ATP5PO: variants seen among roughly 807,000 people sequenced by gnomAD.
ATP5PO encodes ATP synthase peripheral stalk subunit OSCP, also known as ATP synthase peripheral stalk subunit OSCP, mitochondrial.
In ATP5PO, 14 loss-of-function variants were observed where a neutral mutation model predicts 26.2. The observed-to-expected ratio is 0.53, with a 90% CI of 0.35 to 0.83. The LOEUF is 0.83. Ranked by LOEUF, ATP5PO falls within the 40% of genes least tolerant of loss-of-function variation. The pLI is 0.01. For missense variants in ATP5PO, 241 were observed against 258.5 expected, an observed-to-expected ratio of 0.93 and a Z score of 0.46; for synonymous variants, 106 against 95.1, an observed-to-expected ratio of 1.12 and a Z score of -0.67.
chr21:33,904,149 T>G, intron 5 of ATP5PO, 128 bp from the exon 6 acceptor site: 1 of 721,432 alleles, frequency 1.4e-6, no homozygotes, highest in South Asian at 1.9e-5. Flanking sequence ...GGGCCCATCA[T>G]GGAGCTGCTC....
chr21:33,904,888 A>G (rs368366360), intron 5 of ATP5PO, among the ~76,000 whole-genome samples: 8 of 152,068 alleles, frequency 5.3e-5, no homozygotes, highest in South Asian at 2.1e-4. Flanking sequence ...TTACAGGCGC[A>G]TGCCATCACA....
In ATP5PO at chr21:33,912,363, C is replaced by T. The variant is rs762153291; in HGVS notation, c.124G>A (p.Ala42Thr). Reference protein sequence around the residue: ...VQVYGIEGRYATALYSAASKQ... With the variant: ...VQVYGIEGRYTTALYSAASKQ... ...GATGCAGCAGAATAAAGAGCTGTGGCATAGCGACCTTCAATACCGTATACC... is the reference window on the plus strand; with the variant it reads ...GATGCAGCAGAATAAAGAGCTGTGGTATAGCGACCTTCAATACCGTATACC... The change falls in exon 3 of 7, where the codon GCC (alanine) becomes ACC (threonine). Residue 42 changes from alanine (A) to threonine (T), a missense_variant. Transcript: ENST00000290299. 2 of 1,613,068 alleles carry T rather than the reference C, an allele frequency of 1.2e-6. No individual in the cohort carries two copies. The highest frequency in any genetic ancestry group is 1.1e-5 in the South Asian group (1 of 90,984).
chr21:33,912,339 A>G lies in ATP5PO; in HGVS notation c.148T>C (p.Ser50Pro). 6.2e-7 allele frequency: 1 copy of G among 1,613,730 alleles called. No homozygotes were observed. Among genetic ancestry groups the G allele is most frequent in the South Asian group, 1.1e-5 (1 of 91,044 alleles). ...RYATALYSAA[S>P]KQNKLEQVEK... The stretch of plus-strand genomic sequence containing the variant: ...ACTTGCTCCAGCTTATTCTGTTTTG[A>G]TGCAGCAGAATAAAGAGCTGTGGCA... Residue 50 changes from serine (S) to proline (P), a missense_variant, in exon 3 of 7, where the codon TCA becomes CCA. Ser to Pro is a moderately conservative substitution (Grantham distance 74). This residue lies in a region of ATP5PO where 125 missense variants were observed against 108.5 expected (regional missense o/e 1.15). Coordinates refer to ENST00000290299, the MANE Select transcript of ATP5PO (RefSeq NM_001697.3).
intron 5 of ATP5PO, chr21:33,906,980 C>T (rs888634331): frequency 8.8e-6 from 3 of 340,750 alleles, no homozygotes; most frequent in Admixed American, 4.2e-5. Flanking sequence ...CAAAGTGAGA[C>T]TCTGTCTCAA....
intron 2 of ATP5PO, 41 bp downstream of exon 2, chr21:33,914,409 T>A (rs770443406): frequency 3.2e-5 from 51 of 1,586,364 alleles, no homozygotes; most frequent in Non-Finnish European, 4.3e-5. Flanking sequence ...ACTCACACTT[T>A]CGCGTACTTT....
rs550980287 is a variant in ATP5PO, at chr21:33,906,460, T to C, written c.441+881A>G. ...AATTCTAGTCCCACCTCGTATGACTTTGGGCAAGCGACTTCATCTCCCTGC... is the reference window on the plus strand; with the variant it reads ...AATTCTAGTCCCACCTCGTATGACTCTGGGCAAGCGACTTCATCTCCCTGC... On this transcript the variant is annotated intron_variant, in intron 5 of 6. Coordinates refer to ENST00000290299, the MANE Select transcript of ATP5PO (RefSeq NM_001697.3). 2.1e-5 allele frequency: 7 copies of C among 337,698 alleles called. No homozygotes were observed. In the East Asian group the frequency reaches 4.3e-4, roughly 21 times the overall value. 20.9% of individuals were successfully genotyped at this position (337,698 alleles called of 1,614,324 possible). A position where few individuals can be genotyped will look rare whatever the true frequency, so the allele number is the denominator to read the frequency against.
Position 33,909,021 on chromosome 21 carries a change from A to C in ATP5PO, c.328+61T>G, listed in dbSNP as rs575985411. On this transcript the variant is annotated intron_variant, in intron 4 of 6. Transcript: ENST00000290299. ...GTGATGCTGATGCCGCCCACAGTCC[A>C]TGGACCACATTTCCAGTCATAGTTT... The C allele has an allele frequency of 9.9e-6, 15 of 1,517,296 alleles. No homozygotes were observed. In the Admixed American group the frequency reaches 2.7e-4, roughly 27 times the overall value. The allele number at this position is 1,517,296 out of a possible 1,614,324, so 94.0% of individuals were successfully genotyped here. A position where few individuals can be genotyped will look rare whatever the true frequency, so the allele number is the denominator to read the frequency against.
At chr21:33,907,104 T>G in intron 5 of ATP5PO, 1 of 511,636 alleles carries the variant, frequency 2.0e-6, no homozygotes, top group Admixed American at 3.3e-5. Flanking sequence ...TTTGATGTAC[T>G]TTACATTTAA....
At chr21:33,905,386 G>A (rs1188367950) in intron 5 of ATP5PO, among the ~76,000 whole-genome samples, 1 of 152,080 alleles carries the variant, frequency 6.6e-6, no homozygotes, top group Non-Finnish European at 1.5e-5. Flanking sequence ...ATGAGGGAAC[G>A]GAGGCTCAGG....
In ATP5PO at chr21:33,912,261, A is replaced by G. The variant is rs80010393; in HGVS notation, c.198+28T>C. On this transcript the variant is annotated intron_variant, in intron 3 of 6. Coordinates refer to ENST00000290299, the MANE Select transcript of ATP5PO (RefSeq NM_001697.3). ...GAAAAAATATACAAACAGGAACTTC[A>G]TATGTAATGAATAGGAAAGCTACTT... The G allele has an allele frequency of 1.4e-3, 2,233 of 1,568,702 alleles. 51 individuals carry two copies. The East Asian group carries it at 0.042, about 29-fold the overall frequency.
chr21:33,908,315 A>G (rs1023187452), intron 4 of ATP5PO, among the ~76,000 whole-genome samples: 1 of 151,896 alleles, frequency 6.6e-6, no homozygotes, highest in African/African-American at 2.4e-5. Context: ...TCTGATTTTC[A>G]TATTTATGTT....
chr21:33,905,354 G>A (rs1037117609), intron 5 of ATP5PO, among the ~76,000 whole-genome samples: 6 of 152,022 alleles, frequency 3.9e-5, no homozygotes, highest in Non-Finnish European at 8.8e-5. Flanking sequence ...AAAGGCCACC[G>A]GTCATTATGC....
At chr21:33,909,393 C>T (rs973464068) in intron 3 of ATP5PO, among the ~76,000 whole-genome samples, 182 bp from the exon 4 acceptor site, 1 of 152,024 alleles carries the variant, frequency 6.6e-6, no homozygotes, top group Non-Finnish European at 1.5e-5. Flanking sequence ...GATTATCCTG[C>T]CTCAGCCTCC....
intron 3 of ATP5PO, among the ~76,000 whole-genome samples, chr21:33,910,315 C>A (rs1469018347): frequency 6.6e-6 from 1 of 152,092 alleles, no homozygotes; most frequent in Non-Finnish European, 1.5e-5. Context: ...TGAGTGACCC[C>A]ACAGAAATGA....
intron 5 of ATP5PO, 156 bp downstream of exon 5, chr21:33,907,185 G>A: frequency 1.6e-6 from 1 of 642,588 alleles, no homozygotes; most frequent in Non-Finnish European, 2.7e-6. Context: ...CCAAAGCAAA[G>A]GGTCACAGAA....
intron 5 of ATP5PO, among the ~76,000 whole-genome samples, chr21:33,904,771 C>G (rs116957430): frequency 6.6e-6 from 1 of 152,174 alleles, no homozygotes; most frequent in African/African-American, 2.4e-5. Context: ...GACCGAGTCT[C>G]GCTCTGTCAC....
At chr21:33,912,578 T>C (rs1407957814) in intron 2 of ATP5PO, among the ~76,000 whole-genome samples, 179 bp from the exon 3 acceptor site, 3 of 152,250 alleles carry the variant, frequency 2.0e-5, no homozygotes, top group Non-Finnish European at 2.9e-5. Context: ...TTAGCGATGT[T>C]TCCTTGGTCA....
intron 5 of ATP5PO, among the ~76,000 whole-genome samples, chr21:33,904,885 C>A (rs961917382): frequency 1.3e-5 from 2 of 152,108 alleles, no homozygotes; most frequent in African/African-American, 4.8e-5. Flanking sequence ...GAATTACAGG[C>A]GCATGCCATC....
chr21:33,909,526 A>G (rs1250746131), intron 3 of ATP5PO, among the ~76,000 whole-genome samples: 1 of 152,188 alleles, frequency 6.6e-6, no homozygotes, highest in Non-Finnish European at 1.5e-5. Context: ...TCGGCCTCCC[A>G]AAGTGCTGCG....
Sources: gnomAD v4.1 joint callset for allele counts (sites outside exome capture counted in the v4.1 genomes callset) on GRCh38, gnomAD v4.1.1 for gene constraint, gnomAD v4.1.1 regional missense constraint, MANE v1.5 for transcripts, NCBI Gene and HGNC (gene_info 2026-07-23, HGNC 2026-07-21) for gene names.